Variants in ITGAV observed in about 807,000 individuals in gnomAD.
ITGAV encodes integrin subunit alpha V, also known as integrin alpha-V.
Under a neutral mutation model 143.8 loss-of-function variants are expected in ITGAV, and 76 were observed. That is an observed-to-expected ratio of 0.53 (90% CI 0.44 to 0.64). ITGAV has a LOEUF of 0.64. Ranked by LOEUF, ITGAV falls within the 30% of genes least tolerant of loss-of-function variation. ITGAV has a pLI of 0.00. For missense variants in ITGAV, 1,193 were observed against 1,274.7 expected, an observed-to-expected ratio of 0.94 and a Z score of 0.98; for synonymous variants, 453 against 446.7, an observed-to-expected ratio of 1.01 and a Z score of -0.18.
At chr2:186,666,915 A>T (rs1446263489) in intron 22 of ITGAV, 132 bp downstream of exon 22, 5 of 564,586 alleles carry the variant, frequency 8.9e-6, no homozygotes. Context: ...TTTAAAATCA[A>T]TATTTACATT....
At position 186,646,752 on chromosome 2, in the gene ITGAV, G is replaced by A. The variant is rs143468341; in HGVS notation, c.1226G>A (p.Arg409Lys). The A allele has an allele frequency of 1.9e-6, 3 of 1,611,400 alleles. No individual in the cohort carries two copies. Among genetic ancestry groups the A allele is most frequent in the African/African-American group, 2.7e-5 (2 of 74,862 alleles). Reference protein sequence around the residue: ...KKGIVYIFNGRSTGLNAVPSQ... With the variant: ...KKGIVYIFNGKSTGLNAVPSQ... ...GGAATTGTTTATATCTTCAATGGAA[G>A]ATCAACAGGCTTGAACGCAGTCCCA... The change falls in exon 13 of 30, where the codon AGA becomes AAA. Residue 409 changes from arginine (R) to lysine (K), a missense_variant. Transcript: ENST00000261023.
At chr2:186,621,070 A>ATGTTT (rs1687506703) in intron 2 of ITGAV, among the ~76,000 whole-genome samples, 1 of 152,010 alleles carries the variant, frequency 6.6e-6, no homozygotes, top group South Asian at 2.1e-4. Flanking sequence ...GCTTTGTTTT[A>ATGTTT]TGTTTTGGTT....
chr2:186,636,965 AG>A (rs1277324873), intron 7 of ITGAV, 99 bp from the exon 8 acceptor site: 5 of 914,904 alleles, frequency 5.5e-6, no homozygotes, highest in Non-Finnish European at 9.1e-6. Flanking sequence ...GCATAAGTAA[AG>A]GAGTTTCTTG....
In ITGAV at chr2:186,649,888, G is replaced by GT; in HGVS notation, c.1397+3_1397+4insT. 2 of 1,427,124 alleles carry GT rather than the reference G, an allele frequency of 1.4e-6. No individual in the cohort carries two copies. The highest frequency in any genetic ancestry group is 2.6e-5 in the East Asian group (1 of 38,576). 88.4% of individuals were successfully genotyped at this position (1,427,124 alleles called of 1,614,324 possible). A position where few individuals can be genotyped will look rare whatever the true frequency, so the allele number is the denominator to read the frequency against. On this transcript the variant is annotated splice_donor_region_variant and intron_variant, in intron 14 of 29. Coordinates refer to ENST00000261023, the MANE Select transcript of ITGAV (RefSeq NM_002210.5). ...GTAGATCGAGCTATCTTATACAGGT[G>GT]AGCATTTTCTGTATCCTGCGGTATA...
chr2:186,680,741 T>C lies in ITGAV; in HGVS notation c.*3449T>C, dbSNP rs958474727. 3 of 152,634 alleles carry C rather than the reference T, an allele frequency of 2.0e-5. No individual in the cohort carries two copies. The highest frequency in any genetic ancestry group is 2.9e-5 in the Non-Finnish European group (2 of 68,016). The allele number at this position is 152,634 out of a possible 1,614,324, so 9.5% of individuals were successfully genotyped here. A position where few individuals can be genotyped will look rare whatever the true frequency, so the allele number is the denominator to read the frequency against. On this transcript the variant is annotated 3_prime_UTR_variant, in exon 30 of 30. Transcript: ENST00000261023. ...GCTACCTAATAACATAGAAAGTAAATATCTTTGTGGTCACCCACATTGGGT... is the reference window on the plus strand; with the variant it reads ...GCTACCTAATAACATAGAAAGTAAACATCTTTGTGGTCACCCACATTGGGT...
intron 8 of ITGAV, 96 bp downstream of exon 8, chr2:186,637,205 G>GTTT (rs1687968781): frequency 9.9e-7 from 1 of 1,005,584 alleles, no homozygotes. Flanking sequence ...TGAGTGGCTG[G>GTTT]GTGCTGTGGC....
At chr2:186,649,716 C>T in intron 13 of ITGAV, 124 bp from the exon 14 acceptor site, 1 of 576,184 alleles carries the variant, frequency 1.7e-6, no homozygotes, top group South Asian at 3.1e-5. Context: ...TGATGTCTTA[C>T]AACCTCTTAA....
At chr2:186,649,190 C>G (rs1688354563) in intron 13 of ITGAV, among the ~76,000 whole-genome samples, 1 of 149,914 alleles carries the variant, frequency 6.7e-6, no homozygotes, top group Non-Finnish European at 1.5e-5. Flanking sequence ...CTTCTTAACT[C>G]TTTTATGTAT....
At chr2:186,665,826 C>G (rs1157494729) in intron 21 of ITGAV, among the ~76,000 whole-genome samples, 1 of 152,182 alleles carries the variant, frequency 6.6e-6, no homozygotes, top group East Asian at 1.9e-4. Context: ...GATACTGGTA[C>G]TTTGAAGATC....
chr2:186,619,363 A>T (rs1273034442), intron 2 of ITGAV, among the ~76,000 whole-genome samples: 1 of 152,132 alleles, frequency 6.6e-6, no homozygotes, highest in Non-Finnish European at 1.5e-5. Context: ...AGTTGATGTC[A>T]TAGAAGTAAA....
intron 5 of ITGAV, 93 bp downstream of exon 5, chr2:186,630,951 A>G (rs1031674371): frequency 1.9e-5 from 12 of 618,154 alleles, no homozygotes; most frequent in African/African-American, 1.8e-4. Flanking sequence ...CAACTCCTTT[A>G]CAGCTGTTAG....
intron 17 of ITGAV, among the ~76,000 whole-genome samples, chr2:186,658,576 T>C (rs943833730): frequency 1.3e-5 from 2 of 152,092 alleles, no homozygotes; most frequent in African/African-American, 2.4e-5. Context: ...CATGATGAAA[T>C]AGTACTCAAC....
intron 16 of ITGAV, among the ~76,000 whole-genome samples, chr2:186,655,516 C>G (rs1326695187): frequency 6.6e-6 from 1 of 152,126 alleles, no homozygotes; most frequent in East Asian, 1.9e-4. Flanking sequence ...TCAATATGGC[C>G]TAGTAGAACA....
intron 4 of ITGAV, among the ~76,000 whole-genome samples, 160 bp downstream of exon 4, chr2:186,625,747 G>T (rs888702520): frequency 6.6e-6 from 1 of 151,750 alleles, no homozygotes; most frequent in South Asian, 2.1e-4. Context: ...TCCTACTAAT[G>T]TAAAGATATT....
At chr2:186,593,205 C>T (rs997526068) in intron 1 of ITGAV, among the ~76,000 whole-genome samples, 1 of 152,098 alleles carries the variant, frequency 6.6e-6, no homozygotes, top group African/African-American at 2.4e-5. Context: ...TTTTGGTGTC[C>T]ACATACCTTG....
intron 12 of ITGAV, among the ~76,000 whole-genome samples, chr2:186,645,305 T>G (rs113243044): frequency 7.9e-5 from 12 of 152,126 alleles, no homozygotes; most frequent in African/African-American, 2.9e-4. Context: ...ACGACATTGA[T>G]CTATCATTTG....
intron 1 of ITGAV, among the ~76,000 whole-genome samples, chr2:186,596,419 T>C (rs903031062): frequency 1.3e-5 from 2 of 152,088 alleles, no homozygotes; most frequent in African/African-American, 4.8e-5. Context: ...TTATGGAGTG[T>C]TTTATTAACT....
chr2:186,638,360 T>C (rs1218659561), intron 9 of ITGAV, 40 bp downstream of exon 9: 1 of 1,607,942 alleles, frequency 6.2e-7, no homozygotes, highest in Admixed American at 1.7e-5. Flanking sequence ...AATCTCTAAG[T>C]TATCTTCTAT....
Position 186,667,148 on chromosome 2 carries a change from A to G in ITGAV, c.2247-2A>G. The G allele has an allele frequency of 6.3e-7, 1 of 1,591,464 alleles. No individual in the cohort carries two copies. Among genetic ancestry groups the G allele is most frequent in the South Asian group, 1.2e-5 (1 of 86,384 alleles). ...TTTTAAGTTTTTTTTTTTCTTTTTC[A>G]GCTCAAATCTATTTGACAAAGTAAG... On this transcript the variant is annotated splice_acceptor_variant, in intron 22 of 29. Coordinates refer to ENST00000261023, the MANE Select transcript of ITGAV (RefSeq NM_002210.5). LOFTEE classifies it high-confidence loss of function.
Sources: gnomAD v4.1 joint callset for allele counts (sites outside exome capture counted in the v4.1 genomes callset) on GRCh38, gnomAD v4.1.1 for gene constraint, MANE v1.5 for transcripts, NCBI Gene and HGNC (gene_info 2026-07-23, HGNC 2026-07-21) for gene names.